The following RALGAPA2 variants were observed in gnomAD, a reference collection of about 807,000 sequenced individuals.
RALGAPA2 encodes the protein ral GTPase-activating protein subunit alpha-2.
RALGAPA2 carries 139 observed loss-of-function variants against 230.4 expected under a neutral mutation model. The observed-to-expected ratio is 0.60, with a 90% CI of 0.53 to 0.69. The LOEUF (loss-of-function observed/expected upper bound fraction) is 0.69. Ranked by LOEUF, RALGAPA2 falls within the 30% of genes least tolerant of loss-of-function variation. The pLI is 0.00. For synonymous variants in RALGAPA2, 847 were observed against 837.8 expected (o/e 1.01, Z -0.19); for missense variants, 2,163 against 2,276.0 (o/e 0.95, Z 1.01).
At chr20:20,699,351 A>C (rs1028881861) in intron 1 of RALGAPA2, among the ~76,000 whole-genome samples, 2 of 152,230 alleles carry the variant, frequency 1.3e-5, no homozygotes, top group Non-Finnish European at 2.9e-5. Flanking sequence ...GAAAGACTAG[A>C]GGATATTTTA....
intron 37 of RALGAPA2, 100 bp downstream of exon 37, chr20:20,472,729 C>T (rs1158597340): frequency 1.5e-6 from 2 of 1,321,452 alleles, no homozygotes; most frequent in South Asian, 2.0e-5. Context: ...ATTCTCTTCC[C>T]TCTTCAATTC....
At chr20:20,567,763 C>T (rs1440352131) in intron 23 of RALGAPA2, among the ~76,000 whole-genome samples, 3 of 150,908 alleles carry the variant, frequency 2.0e-5, no homozygotes, top group Non-Finnish European at 4.4e-5. Context: ...GAGGCCAAGA[C>T]GGGAGGACTG....
At chr20:20,511,747 G>C (rs1350021311) in intron 32 of RALGAPA2, among the ~76,000 whole-genome samples, 1 of 152,178 alleles carries the variant, frequency 6.6e-6, no homozygotes, top group Non-Finnish European at 1.5e-5. Context: ...CATTACTCAT[G>C]AACTCCTGTG....
intron 3 of RALGAPA2, among the ~76,000 whole-genome samples, chr20:20,655,483 G>A (rs147506629): frequency 2.1e-3 from 321 of 151,876 alleles, no homozygotes; most frequent in Non-Finnish European, 3.3e-3. Flanking sequence ...TCGCCTAGTG[G>A]ATAGGGACAG....
At chr20:20,676,060 G>A (rs755503785) in intron 3 of RALGAPA2, among the ~76,000 whole-genome samples, 176 bp downstream of exon 3, 3 of 151,826 alleles carry the variant, frequency 2.0e-5, no homozygotes, top group Non-Finnish European at 2.9e-5. Flanking sequence ...AGAAAATCAC[G>A]AGAAAATTAT....
At chr20:20,453,799 C>T (rs1054173927) in intron 37 of RALGAPA2, among the ~76,000 whole-genome samples, 3 of 152,184 alleles carry the variant, frequency 2.0e-5, no homozygotes, top group African/African-American at 7.2e-5. Context: ...GCCTGGCATA[C>T]AGGAAATGGC....
chr20:20,394,044 A>T (rs1403014195), intron 39 of RALGAPA2, among the ~76,000 whole-genome samples: 1 of 152,080 alleles, frequency 6.6e-6, no homozygotes, highest in East Asian at 1.9e-4. Flanking sequence ...TCTGCTGGGA[A>T]CCAACCTCAG....
intron 37 of RALGAPA2, among the ~76,000 whole-genome samples, chr20:20,445,216 C>T (rs1343079867): frequency 6.6e-6 from 1 of 152,074 alleles, no homozygotes; most frequent in Admixed American, 6.6e-5. Flanking sequence ...GGAATGTATC[C>T]CCTGTAGATA....
chr20:20,674,815 C>A (rs1264532328), intron 3 of RALGAPA2, among the ~76,000 whole-genome samples: 1 of 151,976 alleles, frequency 6.6e-6, no homozygotes, highest in Non-Finnish European at 1.5e-5. Context: ...TTTAAGGGTA[C>A]AAATATGTGT....
intron 38 of RALGAPA2, among the ~76,000 whole-genome samples, chr20:20,410,217 C>G (rs761336560): frequency 2.6e-5 from 4 of 152,200 alleles, no homozygotes; most frequent in Non-Finnish European, 5.9e-5. Flanking sequence ...TAGAATCTCA[C>G]TCATTTCTAT....
rs74608498 is a variant in RALGAPA2, at chr20:20,511,503, A to C, written c.4857-178T>G. 8.4e-3 allele frequency among the ~76,000 whole-genome samples: 1,274 copies of C among 152,338 alleles called. 18 individuals carry two copies. Among genetic ancestry groups the C allele is most frequent in the African/African-American group, 0.029 (1,213 of 41,586 alleles). ...CCTCCTTAAGACATGCAAAGGTATA[A>C]AAATTCCATCAGCATCCCATTACTA... On this transcript the variant is annotated intron_variant, in intron 32 of 39. Transcript: ENST00000202677.
At chr20:20,484,679 A>G (rs2061862630) in intron 36 of RALGAPA2, among the ~76,000 whole-genome samples, 1 of 152,226 alleles carries the variant, frequency 6.6e-6, no homozygotes, top group Non-Finnish European at 1.5e-5. Flanking sequence ...TTAGAGATGA[A>G]AATAATATAC....
chr20:20,696,859 T>C (rs2069132297), intron 1 of RALGAPA2, among the ~76,000 whole-genome samples: 1 of 152,182 alleles, frequency 6.6e-6, no homozygotes, highest in Non-Finnish European at 1.5e-5. Context: ...AATTTTTCTA[T>C]CATCATTACC....
chr20:20,535,387 A>G (rs768131162), intron 26 of RALGAPA2, among the ~76,000 whole-genome samples: 1 of 152,194 alleles, frequency 6.6e-6, no homozygotes, highest in Non-Finnish European at 1.5e-5. Flanking sequence ...GTAAAAGATC[A>G]TCACTGGTTG....
chr20:20,488,843 C>T (rs2123534867), intron 36 of RALGAPA2, among the ~76,000 whole-genome samples: 1 of 152,322 alleles, frequency 6.6e-6, no homozygotes, highest in East Asian at 1.9e-4. Flanking sequence ...GGACCCCCAG[C>T]CCTTGACACA....
At chr20:20,503,294 G>C in intron 35 of RALGAPA2, 57 bp downstream of exon 35, 1 of 1,398,584 alleles carries the variant, frequency 7.2e-7, no homozygotes, top group East Asian at 2.5e-5. Flanking sequence ...TCTGTCCTAG[G>C]AGAGCCTCAC....
At chr20:20,469,359 C>T (rs2061491118) in intron 37 of RALGAPA2, among the ~76,000 whole-genome samples, 2 of 152,138 alleles carry the variant, frequency 1.3e-5, no homozygotes, top group South Asian at 2.1e-4. Context: ...TGTGAAAATT[C>T]GTAGCAGAAT....
intron 23 of RALGAPA2, among the ~76,000 whole-genome samples, chr20:20,569,661 A>G (rs1202533797): frequency 1.3e-5 from 2 of 152,118 alleles, no homozygotes; most frequent in African/African-American, 4.8e-5. Flanking sequence ...AATTTTTTTC[A>G]GGTTCTCAAA....
At chr20:20,407,726 T>C (rs994482523) in intron 38 of RALGAPA2, among the ~76,000 whole-genome samples, 1 of 152,188 alleles carries the variant, frequency 6.6e-6, no homozygotes, top group South Asian at 2.1e-4. Context: ...ATAACGACTG[T>C]GTTGTAGAAG....
Sources: allele counts gnomAD v4.1 joint callset (sites outside exome capture counted in the v4.1 genomes callset), GRCh38; gene constraint gnomAD v4.1.1; transcripts MANE v1.5; gene names NCBI Gene and HGNC (gene_info 2026-07-23, HGNC 2026-07-21).